MAP4K1: variants seen among roughly 807,000 people sequenced by gnomAD.
The protein encoded by MAP4K1 is mitogen-activated protein kinase kinase kinase kinase 1.
A neutral mutation model predicts 122.8 loss-of-function variants in MAP4K1; 35 were observed. The ratio of observed to expected loss-of-function variants is 0.29; its 90% CI spans 0.22 to 0.38. The LOEUF (loss-of-function observed/expected upper bound fraction) is 0.38, where lower values mean the gene tolerates loss of function less well. MAP4K1 is among the 10% of genes least tolerant of loss of function. The pLI is 1.00. For synonymous variants in MAP4K1, 412 were observed against 421.3 expected (o/e 0.98, Z 0.27); for missense variants, 791 against 1,072.6 (o/e 0.74, Z 3.67).
In MAP4K1 at chr19:38,596,315, T is replaced by C; in HGVS notation, c.2113A>G (p.Thr705Ala). Residue 705 changes from threonine (T) to alanine (A), a missense_variant, in exon 26 of 31, where the codon ACC becomes GCC. Thr to Ala is a moderately conservative substitution (Grantham distance 58). This residue lies in a region of MAP4K1 where 267 missense variants were observed against 323.0 expected (regional missense o/e 0.83). Transcript: ENST00000396857. Reference sequence around the variant, plus strand: ...AGCAAGACTCCGCCCCACTCACCGGTGCTCATCTCGCCCAGCCAGCAAGAG... The same window carrying C: ...AGCAAGACTCCGCCCCACTCACCGGCGCTCATCTCGCCCAGCCAGCAAGAG... The part of the protein sequence containing the change: ...ALSCWLGEMS[T>A]EHRGPVQVTQ... 6.4e-7 allele frequency: 1 copy of C among 1,574,582 alleles called. No individual in the cohort carries two copies. Among genetic ancestry groups the C allele is most frequent in the Non-Finnish European group, 8.6e-7 (1 of 1,158,966 alleles).
At chr19:38,588,108 G>A (rs1974583135) in intron 30 of MAP4K1, among the ~76,000 whole-genome samples, 1 of 152,172 alleles carries the variant, frequency 6.6e-6, no homozygotes, top group Non-Finnish European at 1.5e-5. Context: ...GGGGGGTTAG[G>A]AGGGAACTTG....
intron 30 of MAP4K1, among the ~76,000 whole-genome samples, chr19:38,593,017 T>C (rs1974772860): frequency 6.6e-6 from 1 of 151,958 alleles, no homozygotes; most frequent in Non-Finnish European, 1.5e-5. Flanking sequence ...GGTGGATCAC[T>C]TGAGCCTGGG....
At chr19:38,606,889 C>T (rs1030779137) in intron 16 of MAP4K1, among the ~76,000 whole-genome samples, 1 of 152,122 alleles carries the variant, frequency 6.6e-6, no homozygotes, top group African/African-American at 2.4e-5. Context: ...GAAGTGAGTG[C>T]GCGCACCTGG....
intron 29 of MAP4K1, among the ~76,000 whole-genome samples, chr19:38,594,362 G>T (rs1014240015): frequency 6.6e-6 from 1 of 152,086 alleles, no homozygotes; most frequent in African/African-American, 2.4e-5. Context: ...CAAACAGGCC[G>T]GGTGAAGTAG....
chr19:38,587,934 T>C (rs10404936), intron 30 of MAP4K1, 117 bp from the exon 31 acceptor site: 62,448 of 775,984 alleles, frequency 0.08, 6,182 homozygotes, highest in African/African-American at 0.3. Flanking sequence ...TAGCAGTGAA[T>C]GGGCAGACAC....
intron 30 of MAP4K1, among the ~76,000 whole-genome samples, chr19:38,592,662 A>G (rs1265199829): frequency 6.6e-6 from 1 of 152,102 alleles, no homozygotes; most frequent in African/African-American, 2.4e-5. Context: ...TCATGCCTAT[A>G]ATCCCAGCAC....
chr19:38,600,049 C>T, intron 21 of MAP4K1, 28 bp downstream of exon 21: 1 of 1,614,140 alleles, frequency 6.2e-7, no homozygotes, highest in Non-Finnish European at 8.5e-7. Flanking sequence ...GGCCCTTGCC[C>T]TTGCCCTGGC....
In MAP4K1 at chr19:38,599,826, T is replaced by C. The variant is rs1211522280; in HGVS notation, c.1669+99A>G. The C allele has an allele frequency of 1.8e-5, 20 of 1,118,064 alleles. No individual in the cohort carries two copies. The East Asian group carries it at 4.0e-4, about 22-fold the overall frequency. 69.3% of individuals were successfully genotyped at this position (1,118,064 alleles called of 1,614,324 possible). A position where few individuals can be genotyped will look rare whatever the true frequency, so the allele number is the denominator to read the frequency against. ...AACCTAGGACTTTGTGACCAAGCAG[T>C]CTAAGTTTTTTTTCAGCTGTGCCCG... On this transcript the variant is annotated intron_variant, in intron 22 of 30. Coordinates refer to ENST00000396857, the MANE Select transcript of MAP4K1 (RefSeq NM_001042600.3).
At chr19:38,614,546 G>T in intron 4 of MAP4K1, 101 bp from the exon 5 acceptor site, 1 of 1,297,646 alleles carries the variant, frequency 7.7e-7, no homozygotes. Flanking sequence ...GTGCCATAGG[G>T]AGAGGGGAAA....
chr19:38,594,137 G>A (rs1316715216), intron 29 of MAP4K1, among the ~76,000 whole-genome samples: 4 of 152,052 alleles, frequency 2.6e-5, no homozygotes, highest in Non-Finnish European at 5.9e-5. Context: ...GAGAAGCAAC[G>A]TTGCCAGCCC....
rs1378739064 is a variant in MAP4K1, at chr19:38,610,018, A to C, written c.818T>G (p.Leu273Arg). Residue 273 changes from leucine to arginine, a missense_variant, in exon 12 of 31, where the codon CTG becomes CGG. Leu to Arg is a moderately radical substitution (Grantham distance 102). Coordinates refer to ENST00000396857, the MANE Select transcript of MAP4K1 (RefSeq NM_001042600.3). Reference protein sequence around the residue: ...PSATKMLSHQLVSQPGLNRGL... With the variant: ...PSATKMLSHQRVSQPGLNRGL... ...TCGATTCAGCCCAGGCTGGGATACCAGTTGATGCTGGCGGAGGGAAGAGGT... is the reference window on the plus strand; with the variant it reads ...TCGATTCAGCCCAGGCTGGGATACCCGTTGATGCTGGCGGAGGGAAGAGGT... 6.2e-7 allele frequency: 1 copy of C among 1,612,210 alleles called. No homozygotes were observed. The highest frequency in any genetic ancestry group is 1.3e-5 in the African/African-American group (1 of 74,912).
chr19:38,603,169 TAC>T (rs986914126), intron 19 of MAP4K1, among the ~76,000 whole-genome samples: 5 of 149,494 alleles, frequency 3.3e-5, no homozygotes, highest in African/African-American at 1.2e-4. Context: ...TATACATATA[TAC>T]ACATGTACAT....
Position 38,616,064 on chromosome 19 carries a change from G to C in MAP4K1, c.313+131C>G, listed in dbSNP as rs1485844986. 3 of 627,440 alleles carry C rather than the reference G, an allele frequency of 4.8e-6. No individual in the cohort carries two copies. The Admixed American group carries it at 9.9e-5, about 21-fold the overall frequency. 38.9% of individuals were successfully genotyped at this position (627,440 alleles called of 1,614,324 possible). A position where few individuals can be genotyped will look rare whatever the true frequency, so the allele number is the denominator to read the frequency against. ...AGGCAAGAGGATCAGCTCAGCCCAG[G>C]AGTTTGAAATATGGCCCAGAAAGAC... On this transcript the variant is annotated intron_variant, in intron 4 of 30. Transcript: ENST00000396857.
intron 19 of MAP4K1, among the ~76,000 whole-genome samples, chr19:38,602,605 TAC>T (rs1975114746): frequency 6.7e-6 from 1 of 148,812 alleles, no homozygotes; most frequent in African/African-American, 2.5e-5. Flanking sequence ...TATACGCATA[TAC>T]ATATATATAC....
In MAP4K1 at chr19:38,599,760, T is replaced by C. The variant is rs151248789; in HGVS notation, c.1669+165A>G. Among the ~76,000 whole-genome samples, 606 of 152,212 alleles carry C rather than the reference T, an allele frequency of 4.0e-3. 3 individuals are homozygous for C. Among genetic ancestry groups the C allele is most frequent in the African/African-American group, 0.014 (571 of 41,530 alleles). Reference sequence around the variant, plus strand: ...GAACCCCATTTTACAAATGGAGAAATTGAGGCTTGGGGAGCACAGTCAAAA... The same window carrying C: ...GAACCCCATTTTACAAATGGAGAAACTGAGGCTTGGGGAGCACAGTCAAAA... On this transcript the variant is annotated intron_variant, in intron 22 of 30. Transcript: ENST00000396857.
rs144513436 is a variant in MAP4K1, at chr19:38,596,598, G to C, written c.1942-112C>G. ...CGAACCAGGGCCCTAAGTCTTGGGGGATGCCGTCTAGAAATGTCAGGGGAT... is the reference window on the plus strand; with the variant it reads ...CGAACCAGGGCCCTAAGTCTTGGGGCATGCCGTCTAGAAATGTCAGGGGAT... On this transcript the variant is annotated intron_variant, in intron 25 of 30. Coordinates refer to ENST00000396857, the MANE Select transcript of MAP4K1 (RefSeq NM_001042600.3). 4.9e-4 allele frequency: 459 copies of C among 927,738 alleles called. 1 individual carries two copies. The highest frequency in any genetic ancestry group is 3.9e-3 in the East Asian group (145 of 37,226). The allele number at this position is 927,738 out of a possible 1,614,324, so 57.5% of individuals were successfully genotyped here.
intron 4 of MAP4K1, 68 bp from the exon 5 acceptor site, chr19:38,614,513 GC>G (rs958782746): frequency 1.9e-5 from 30 of 1,553,832 alleles, no homozygotes; most frequent in Non-Finnish European, 2.3e-5. Context: ...GGGGAGTCCT[GC>G]CCCCCCACAC....
intron 21 of MAP4K1, 25 bp from the exon 22 acceptor site, chr19:38,600,010 C>T: frequency 6.2e-7 from 1 of 1,614,164 alleles, no homozygotes; most frequent in East Asian, 2.2e-5. Context: ...AGAGATGGCT[C>T]TGGTGACACC....
intron 26 of MAP4K1, 27 bp downstream of exon 26, chr19:38,596,285 C>T (rs767469033): frequency 3.9e-6 from 6 of 1,526,188 alleles, no homozygotes; most frequent in Non-Finnish European, 4.4e-6. Flanking sequence ...ATAAGCCCCG[C>T]CCTCAGCAAG....
Sources: allele counts gnomAD v4.1 joint callset (sites outside exome capture counted in the v4.1 genomes callset), GRCh38; gene constraint gnomAD v4.1.1; regional missense constraint gnomAD v4.1.1; transcripts MANE v1.5; gene names NCBI Gene and HGNC (gene_info 2026-07-23, HGNC 2026-07-21).